The following AGAP1 variants were observed in gnomAD, a reference collection of about 807,000 sequenced individuals.
The protein encoded by AGAP1 is ArfGAP with GTPase domain, ankyrin repeat and PH domain 1.
Under a neutral mutation model 105.3 loss-of-function variants are expected in AGAP1, and 29 were observed. The ratio of observed to expected loss-of-function variants is 0.28; its 90% CI spans 0.21 to 0.38. The LOEUF is 0.38. AGAP1 is among the 10% of genes least tolerant of loss of function. The pLI is 1.00. For synonymous variants in AGAP1, 509 were observed against 485.9 expected, an observed-to-expected ratio of 1.05 and a Z score of -0.63; for missense variants, 998 against 1,165.1, an observed-to-expected ratio of 0.86 and a Z score of 2.09.
chr2:235,709,142 G>T, intron 1 of AGAP1, 37 bp from the exon 2 acceptor site: 1 of 1,610,702 alleles, frequency 6.2e-7, no homozygotes, highest in South Asian at 1.1e-5. Flanking sequence ...CTTTACGTGA[G>T]TTATGGTGTC....
At position 236,027,460 on chromosome 2, in the gene AGAP1, C is replaced by T. The variant is rs1216070172; in HGVS notation, c.1646-9101C>T. Reference sequence around the variant, plus strand: ...CCAAAAGAAGACACAGGGTAGTCCTCCCGCCGGTGCCCACCTCTGCGCTGA... The same window carrying T: ...CCAAAAGAAGACACAGGGTAGTCCTTCCGCCGGTGCCCACCTCTGCGCTGA... On this transcript the variant is annotated intron_variant, in intron 13 of 17. Coordinates refer to ENST00000304032, the MANE Select transcript of AGAP1 (RefSeq NM_001037131.3). This position sits in a 1 kb window ranked among gnomAD's most constrained non-coding sequence, Gnocchi z 4.4. Among the ~76,000 whole-genome samples, 28 of 152,138 alleles carry T rather than the reference C, an allele frequency of 1.8e-4. No individual in the cohort carries two copies. The highest frequency in any genetic ancestry group is 1.8e-3 in the Admixed American group (28 of 15,266).
chr2:235,608,450 G>T lies in AGAP1; in HGVS notation c.164-100729G>T, dbSNP rs1946020361. ...AGCCGCCCCAGGCCATGGAGACCTG[G>T]AGATGCTCAGGGAAGGGGGTGGTCA... On this transcript the variant is annotated intron_variant, in intron 1 of 17. Transcript: ENST00000304032. This position sits in a 1 kb window ranked among gnomAD's most constrained non-coding sequence, Gnocchi z 5.4. Among the ~76,000 whole-genome samples the T allele has an allele frequency of 6.6e-6, 1 of 152,206 alleles. No homozygotes were observed. Among genetic ancestry groups the T allele is most frequent in the Non-Finnish European group, 1.5e-5 (1 of 68,040 alleles).
At position 235,520,442 on chromosome 2, in the gene AGAP1, G is replaced by A. The variant is rs543206303; in HGVS notation, c.163+25593G>A. Among the ~76,000 whole-genome samples the A allele has an allele frequency of 4.9e-4, 74 of 152,194 alleles. 2 individuals carry two copies. Among genetic ancestry groups the A allele is most frequent in the Admixed American group, 8.5e-4 (13 of 15,280 alleles). The stretch of plus-strand genomic sequence containing the variant: ...ATGCCTCCCCTTGGAGTCAGTCAGC[G>A]TGCTCCTTTGTCTCCTGTATTTTCC... On this transcript the variant is annotated intron_variant, in intron 1 of 17. Coordinates refer to ENST00000304032, the MANE Select transcript of AGAP1 (RefSeq NM_001037131.3).
At chr2:235,784,796 A>T (rs1956518133) in intron 6 of AGAP1, among the ~76,000 whole-genome samples, 1 of 152,188 alleles carries the variant, frequency 6.6e-6, no homozygotes, top group African/African-American at 2.4e-5. Context: ...CTATAACATC[A>T]CAAAGGGCAA....
chr2:235,564,158 T>C (rs1248776218), intron 1 of AGAP1, among the ~76,000 whole-genome samples: 1 of 152,220 alleles, frequency 6.6e-6, no homozygotes, highest in African/African-American at 2.4e-5. Flanking sequence ...TTATTTATGA[T>C]CGTAGCCCTG....
chr2:235,538,689 G>GTTCCC (rs1445238565), intron 1 of AGAP1, among the ~76,000 whole-genome samples: 1 of 151,994 alleles, frequency 6.6e-6, no homozygotes, highest in Non-Finnish European at 1.5e-5. Flanking sequence ...TCATCTTGTA[G>GTTCCC]AGCCTCCCGT....
intron 13 of AGAP1, among the ~76,000 whole-genome samples, chr2:236,010,199 A>G (rs187999941): frequency 3.5e-4 from 53 of 152,334 alleles, no homozygotes; most frequent in Admixed American, 1.4e-3. Flanking sequence ...CTCATGTCGC[A>G]GGAACCCAGA....
In AGAP1 at chr2:235,577,662, C is replaced by T. The variant is rs1000793018; in HGVS notation, c.163+82813C>T. 1.5e-4 allele frequency among the ~76,000 whole-genome samples: 23 copies of T among 152,114 alleles called. No individual in the cohort carries two copies. The highest frequency in any genetic ancestry group is 2.4e-4 in the Non-Finnish European group (16 of 68,036). Reference sequence around the variant, plus strand: ...GTTTGGGCAGTTAACTCTGAGCATTCGGAACATTCGCCGAGTGGAACGTGT... The same window carrying T: ...GTTTGGGCAGTTAACTCTGAGCATTTGGAACATTCGCCGAGTGGAACGTGT... On this transcript the variant is annotated intron_variant, in intron 1 of 17. Transcript: ENST00000304032. This position sits in a 1 kb window ranked among gnomAD's most constrained non-coding sequence, Gnocchi z 4.5.
At chr2:235,940,788 C>G (rs905718791) in intron 12 of AGAP1, among the ~76,000 whole-genome samples, 5 of 152,166 alleles carry the variant, frequency 3.3e-5, no homozygotes, top group African/African-American at 4.8e-5. Context: ...TGCAGTAATT[C>G]TAACTCCACC....
chr2:235,522,728 G>C (rs926493443), intron 1 of AGAP1, among the ~76,000 whole-genome samples: 1 of 152,202 alleles, frequency 6.6e-6, no homozygotes, highest in Non-Finnish European at 1.5e-5. Flanking sequence ...AGCAAGATGG[G>C]AGTAAGGGAG....
intron 13 of AGAP1, among the ~76,000 whole-genome samples, chr2:235,974,308 G>A (rs953692892): frequency 1.3e-5 from 2 of 152,200 alleles, no homozygotes. Context: ...ACACTGAATA[G>A]CTTCCTTGAT....
At chr2:235,628,083 T>C (rs2149281950) in intron 1 of AGAP1, among the ~76,000 whole-genome samples, 1 of 152,262 alleles carries the variant, frequency 6.6e-6, no homozygotes, top group Non-Finnish European at 1.5e-5. Flanking sequence ...GTGGACCTGC[T>C]TCCAGTGGGA....
intron 12 of AGAP1, among the ~76,000 whole-genome samples, chr2:235,952,969 G>T (rs1228716049): frequency 6.6e-6 from 1 of 152,210 alleles, no homozygotes. Flanking sequence ...TGGGGCAATT[G>T]TTAGAGCCAG....
intron 17 of AGAP1, among the ~76,000 whole-genome samples, chr2:236,122,396 G>A (rs1036304746): frequency 4.6e-5 from 7 of 152,062 alleles, no homozygotes; most frequent in African/African-American, 1.7e-4. Context: ...TGGGAGCGGG[G>A]GACACAGTTA....
chr2:236,099,317 T>C (rs953829125), intron 16 of AGAP1, among the ~76,000 whole-genome samples: 3 of 151,462 alleles, frequency 2.0e-5, no homozygotes, highest in East Asian at 2.0e-4. Context: ...TAGCTGGGCG[T>C]GGTGGCGAGC....
At position 235,808,302 on chromosome 2, in the gene AGAP1, C is replaced by T. The variant is rs6743432; in HGVS notation, c.1050+971C>T. On this transcript the variant is annotated intron_variant, in intron 9 of 17. Coordinates refer to ENST00000304032, the MANE Select transcript of AGAP1 (RefSeq NM_001037131.3). ...GCTCACTGCTTTGCTCTCCTCTCTC[C>T]TGCGGGCACCTACACAGCATCGGTA... is the stretch of plus-strand genomic sequence containing the variant. Among the ~76,000 whole-genome samples the T allele has an allele frequency of 5.4e-3, 821 of 152,360 alleles. 8 individuals are homozygous for T. The highest frequency in any genetic ancestry group is 0.019 in the African/African-American group (770 of 41,580).
chr2:235,711,786 G>A (rs965506745), intron 2 of AGAP1, among the ~76,000 whole-genome samples: 1 of 152,162 alleles, frequency 6.6e-6, no homozygotes, highest in African/African-American at 2.4e-5. Context: ...AGTGCCTATA[G>A]GGCTGCAATT....
chr2:235,881,918 C>T (rs1390365899), intron 9 of AGAP1, among the ~76,000 whole-genome samples: 1 of 152,110 alleles, frequency 6.6e-6, no homozygotes, highest in Non-Finnish European at 1.5e-5. Flanking sequence ...AATACTGTTA[C>T]TGAAATTTGC....
At chr2:235,718,323 C>A in intron 3 of AGAP1, 1 of 970,728 alleles carries the variant, frequency 1.0e-6, no homozygotes, top group Non-Finnish European at 1.2e-6. Context: ...AAATCCAACT[C>A]TGAGACACTG....
Sources: allele counts gnomAD v4.1 joint callset (sites outside exome capture counted in the v4.1 genomes callset), GRCh38; gene constraint gnomAD v4.1.1; non-coding constraint Gnocchi (gnomAD v3.1); transcripts MANE v1.5; gene names NCBI Gene and HGNC (gene_info 2026-07-23, HGNC 2026-07-21).